The following PRKAG2 variants were observed in gnomAD, a reference collection of about 807,000 sequenced individuals.
The protein encoded by PRKAG2 is 5'-AMP-activated protein kinase subunit gamma-2.
PRKAG2 carries 26 observed loss-of-function variants against 69.6 expected under a neutral mutation model. The ratio of observed to expected loss-of-function variants is 0.37; its 90% CI spans 0.27 to 0.52. The LOEUF (loss-of-function observed/expected upper bound fraction) is 0.52. Among genes scored for constraint, PRKAG2 ranks in the 20% least tolerant of loss-of-function variants. The pLI, the probability that PRKAG2 is intolerant of heterozygous loss-of-function variation, is 0.90. For missense variants in PRKAG2, 557 were observed against 740.0 expected (o/e 0.75, Z 2.87); for synonymous variants, 293 against 285.0 (o/e 1.03, Z -0.28).
intron 4 of PRKAG2, among the ~76,000 whole-genome samples, chr7:151,639,973 T>G (rs1246317858): frequency 1.3e-5 from 2 of 152,162 alleles, no homozygotes; most frequent in African/African-American, 4.8e-5. Context: ...ACCTATTGGC[T>G]CTGTCTCTCT....
chr7:151,557,750 AT>A (rs1804064196), intron 15 of PRKAG2: 1 of 481,478 alleles, frequency 2.1e-6, no homozygotes, highest in Non-Finnish European at 2.7e-6. Context: ...GGCGCCTGTA[AT>A]CCCAGCTACT....
intron 6 of PRKAG2, among the ~76,000 whole-genome samples, chr7:151,577,142 A>T (rs1809146508): frequency 6.9e-6 from 1 of 145,894 alleles, no homozygotes; most frequent in Non-Finnish European, 1.5e-5. Context: ...ACCTGAAATA[A>T]AAATTTATTT....
At chr7:151,604,382 A>T (rs1816970439) in intron 5 of PRKAG2, among the ~76,000 whole-genome samples, 1 of 152,206 alleles carries the variant, frequency 6.6e-6, no homozygotes. Context: ...CCCACCTGTA[A>T]TTCCAGCACT....
intron 4 of PRKAG2, among the ~76,000 whole-genome samples, chr7:151,669,827 C>A (rs1831594834): frequency 7.4e-6 from 1 of 135,956 alleles, no homozygotes; most frequent in South Asian, 2.3e-4. Flanking sequence ...CACCTGTGCA[C>A]CTGCAGGCAC....
chr7:151,610,421 G>GT (rs1319188022), intron 5 of PRKAG2, among the ~76,000 whole-genome samples: 1 of 151,188 alleles, frequency 6.6e-6, no homozygotes, highest in East Asian at 2.0e-4. Flanking sequence ...GCTTACGGCT[G>GT]TAATCCCAGC....
At chr7:151,620,788 G>GA (rs1821307904) in intron 5 of PRKAG2, among the ~76,000 whole-genome samples, 1 of 72,870 alleles carries the variant, frequency 1.4e-5, no homozygotes, top group East Asian at 1.6e-3. Flanking sequence ...CTCCTTAATA[G>GA]ATTAAAAAAA....
At chr7:151,816,085 T>G (rs1406215000) in intron 1 of PRKAG2, among the ~76,000 whole-genome samples, 2 of 152,132 alleles carry the variant, frequency 1.3e-5, no homozygotes, top group African/African-American at 4.8e-5. Context: ...GGCCATCTAC[T>G]AAGGCCCACG....
At position 151,576,588 on chromosome 7, in the gene PRKAG2, C is replaced by T. The variant is rs535352857; in HGVS notation, c.865-136G>A. 104 of 737,388 alleles carry T rather than the reference C, an allele frequency of 1.4e-4. No individual in the cohort carries two copies. The African/African-American group carries it at 1.6e-3, about 11-fold the overall frequency. The allele number at this position is 737,388 out of a possible 1,614,324, so 45.7% of individuals were successfully genotyped here. On this transcript the variant is annotated intron_variant, in intron 6 of 15. Transcript: ENST00000287878. ...CCATCTTGGCTCACAGCAACCTCTG[C>T]TTCCTGGGCTCAATTGATTCTCTCA...
At chr7:151,665,399 G>T (rs1229012456) in intron 4 of PRKAG2, among the ~76,000 whole-genome samples, 1 of 152,160 alleles carries the variant, frequency 6.6e-6, no homozygotes, top group African/African-American at 2.4e-5. Context: ...TCAGAAAAAA[G>T]GGCCACGCTC....
At chr7:151,718,368 C>G (rs1796507987) in intron 3 of PRKAG2, among the ~76,000 whole-genome samples, 1 of 152,074 alleles carries the variant, frequency 6.6e-6, no homozygotes, top group Non-Finnish European at 1.5e-5. Context: ...CCTTAATTAC[C>G]TCCTCAAAGC....
At chr7:151,603,788 T>C (rs761007145) in intron 5 of PRKAG2, among the ~76,000 whole-genome samples, 19 of 152,160 alleles carry the variant, frequency 1.2e-4, no homozygotes, top group Non-Finnish European at 1.3e-4. Flanking sequence ...CCCTCCTCCT[T>C]TATGTACTGT....
In PRKAG2 at chr7:151,744,258, G is replaced by A. The variant is rs921216990; in HGVS notation, c.466+36894C>T. ...CGGTGCCCCGGGGCCACGTTCCCAC[G>A]GCATCGGGGAAGTGCCAGGACATGT... On this transcript the variant is annotated intron_variant, in intron 3 of 15. Transcript: ENST00000287878. Among the ~76,000 whole-genome samples the A allele has an allele frequency of 4.6e-5, 7 of 152,296 alleles. No individual in the cohort carries two copies. The East Asian group carries it at 9.7e-4, about 21-fold the overall frequency.
intron 1 of PRKAG2, among the ~76,000 whole-genome samples, chr7:151,853,885 A>G (rs796121977): frequency 1.1e-4 from 17 of 152,298 alleles, no homozygotes; most frequent in African/African-American, 4.1e-4. Context: ...GCTCAAAATA[A>G]GACCTTCTGA....
intron 3 of PRKAG2, among the ~76,000 whole-genome samples, chr7:151,714,120 C>G (rs545885659): frequency 4.6e-5 from 7 of 152,200 alleles, no homozygotes; most frequent in Admixed American, 1.3e-4. Flanking sequence ...GGTAGCTGAA[C>G]AGGTGATCTC....
At chr7:151,701,013 T>C (rs6968460) in intron 3 of PRKAG2, among the ~76,000 whole-genome samples, 79,691 of 152,020 alleles carry the variant, frequency 0.52, 23,047 homozygotes, top group African/African-American at 0.79. Context: ...TCATGCAATG[T>C]GCTGCACACA....
chr7:151,583,120 A>G lies in PRKAG2; in HGVS notation c.865-6668T>C, dbSNP rs892841199. On this transcript the variant is annotated intron_variant, in intron 6 of 15. Transcript: ENST00000287878. The surrounding 1 kb of genome is among the most constrained non-coding windows in gnomAD (Gnocchi z 4.1). ...ACTGCAGCCTCAACCTCGTAGGCTC[A>G]AGTGATCCTTATGCCTCAGCCTCCT... Among the ~76,000 whole-genome samples, 1 of 152,214 alleles carries G rather than the reference A, an allele frequency of 6.6e-6. No homozygotes were observed. Among genetic ancestry groups the G allele is most frequent in the Non-Finnish European group, 1.5e-5 (1 of 68,050 alleles).
At chr7:151,739,468 TTATC>T (rs1010832730) in intron 3 of PRKAG2, among the ~76,000 whole-genome samples, 3 of 151,002 alleles carry the variant, frequency 2.0e-5, no homozygotes, top group African/African-American at 7.4e-5. Context: ...ATTTATTTAT[TTATC>T]TATTTTTATT....
intron 3 of PRKAG2, among the ~76,000 whole-genome samples, chr7:151,728,242 C>T (rs578245590): frequency 7.0e-4 from 107 of 152,262 alleles, no homozygotes; most frequent in South Asian, 2.3e-3. Context: ...TGTTGATTTA[C>T]GCTGAGAGCA....
intron 3 of PRKAG2, among the ~76,000 whole-genome samples, chr7:151,735,090 A>G (rs1043212187): frequency 2.0e-5 from 3 of 152,146 alleles, no homozygotes; most frequent in Non-Finnish European, 2.9e-5. Flanking sequence ...TCCTGACCTC[A>G]GGTGATCCGC....
Sources: allele counts gnomAD v4.1 joint callset (sites outside exome capture counted in the v4.1 genomes callset), GRCh38; gene constraint gnomAD v4.1.1; non-coding constraint Gnocchi (gnomAD v3.1); transcripts MANE v1.5; gene names NCBI Gene and HGNC (gene_info 2026-07-23, HGNC 2026-07-21).